Variants in KIRREL3 observed in about 807,000 individuals in gnomAD.
KIRREL3 encodes kirre like nephrin family adhesion molecule 3.
KIRREL3 carries 36 observed loss-of-function variants against 89.7 expected under a neutral mutation model. The ratio of observed to expected loss-of-function variants is 0.40; its 90% CI spans 0.31 to 0.53. The LOEUF is 0.53. Ranked by LOEUF, KIRREL3 falls within the 20% of genes least tolerant of loss-of-function variation. The pLI is 0.49. For synonymous variants in KIRREL3, 445 were observed against 441.4 expected (o/e 1.01, Z -0.10); for missense variants, 864 against 1,056.6 (o/e 0.82, Z 2.53).
chr11:126,467,720 T>G (rs1398066326), intron 5 of KIRREL3, among the ~76,000 whole-genome samples: 1 of 151,868 alleles, frequency 6.6e-6, no homozygotes, highest in East Asian at 1.9e-4. Flanking sequence ...CTGGCTTGAA[T>G]AAGGGTGTGT....
chr11:126,659,456 A>G (rs893163193), intron 1 of KIRREL3, among the ~76,000 whole-genome samples: 1 of 152,222 alleles, frequency 6.6e-6, no homozygotes, highest in Non-Finnish European at 1.5e-5. Context: ...TTCTGAATAG[A>G]GTCAGGCTGG....
Position 126,987,422 on chromosome 11 carries a change from G to T in KIRREL3, c.55+13033C>A, listed in dbSNP as rs1484885621. Among the ~76,000 whole-genome samples, 1 of 152,194 alleles carries T rather than the reference G, an allele frequency of 6.6e-6. No individual in the cohort carries two copies. The highest frequency in any genetic ancestry group is 1.5e-5 in the Non-Finnish European group (1 of 68,028). On this transcript the variant is annotated intron_variant, in intron 1 of 16. Transcript: ENST00000525144. This position sits in a 1 kb window ranked among gnomAD's most constrained non-coding sequence, Gnocchi z 4.6. ...CTGTTGATAATAAGAGTGAAAGGTA[G>T]ATTTCCTGTTATTTTCACAGACAAA...
intron 4 of KIRREL3, among the ~76,000 whole-genome samples, chr11:126,518,918 G>A (rs1020715715): frequency 3.1e-4 from 47 of 152,238 alleles, no homozygotes; most frequent in African/African-American, 1.1e-3. Context: ...GCAGAGTGCT[G>A]GGAAGCACTG....
intron 1 of KIRREL3, among the ~76,000 whole-genome samples, chr11:126,833,908 CT>C (rs1406654725): frequency 1.3e-5 from 2 of 152,224 alleles, no homozygotes; most frequent in African/African-American, 4.8e-5. Context: ...CTTCCTAAAG[CT>C]TTATTCCCTT....
intron 1 of KIRREL3, among the ~76,000 whole-genome samples, chr11:126,600,617 C>CAAAT (rs1942609907): frequency 6.6e-6 from 1 of 152,170 alleles, no homozygotes. Context: ...ATGGGTGGTG[C>CAAAT]AAATCCCTTT....
At position 126,578,963 on chromosome 11, in the gene KIRREL3, T is replaced by G. The variant is rs1214040079; in HGVS notation, c.56-16051A>C. Among the ~76,000 whole-genome samples the G allele has an allele frequency of 1.3e-5, 2 of 152,122 alleles. No individual in the cohort carries two copies. Among genetic ancestry groups the G allele is most frequent in the African/African-American group, 4.8e-5 (2 of 41,406 alleles). On this transcript the variant is annotated intron_variant, in intron 1 of 16. Transcript: ENST00000525144. The surrounding 1 kb of genome is among the most constrained non-coding windows in gnomAD (Gnocchi z 4.9). ...GATGGGACTTTGTCTCCATGTGACT[T>G]ATGAAGACACTGAGGACCAGCAAGG... is the stretch of plus-strand genomic sequence containing the variant.
At chr11:126,775,079 C>T (rs991266292) in intron 1 of KIRREL3, among the ~76,000 whole-genome samples, 9 of 152,088 alleles carry the variant, frequency 5.9e-5, no homozygotes, top group African/African-American at 9.7e-5. Flanking sequence ...TTAGTTTTCC[C>T]GAGCAGCTGG....
At chr11:126,572,244 T>C (rs1434423580) in intron 1 of KIRREL3, among the ~76,000 whole-genome samples, 2 of 152,228 alleles carry the variant, frequency 1.3e-5, no homozygotes, top group African/African-American at 4.8e-5. Context: ...AAGTATTCCC[T>C]TCCCCAGCCC....
At position 126,440,515 on chromosome 11, in the gene KIRREL3, G is replaced by C; in HGVS notation, c.1287C>G (p.His429Gln). The C allele has an allele frequency of 1.2e-6, 2 of 1,602,288 alleles. No homozygotes were observed. The highest frequency in any genetic ancestry group is 1.7e-6 in the Non-Finnish European group (2 of 1,174,946). Reference protein sequence around the residue: ...PPIISSTQTQHALHGEKGQIK... With the variant: ...PPIISSTQTQQALHGEKGQIK... ...TCTGGCCCTTCTCGCCGTGGAGGGC[G>C]TGCTGGGTCTGGGTGCTGGAGATGA... The change falls in exon 11 of 17, where the codon CAC (histidine) becomes CAG (glutamine). Residue 429 changes from histidine (H) to glutamine (Q), a missense_variant. By Grantham distance (24) the His-to-Gln change is conservative (BLOSUM62 0). Transcript: ENST00000525144.
chr11:126,818,221 G>C (rs575639028), intron 1 of KIRREL3, among the ~76,000 whole-genome samples: 1 of 152,332 alleles, frequency 6.6e-6, no homozygotes, highest in South Asian at 2.1e-4. Flanking sequence ...CACAGCTGGG[G>C]AAAGGAAAGG....
intron 1 of KIRREL3, among the ~76,000 whole-genome samples, chr11:126,881,143 C>T (rs1444404055): frequency 1.3e-5 from 2 of 152,196 alleles, no homozygotes; most frequent in African/African-American, 4.8e-5. Context: ...TTGCTCCCCT[C>T]CACCAATCAC....
At position 126,522,959 on chromosome 11, in the gene KIRREL3, A is replaced by T. The variant is rs1455552755; in HGVS notation, c.284-1495T>A. The stretch of plus-strand genomic sequence containing the variant: ...ACACATTCAGCCTTTTAAAGAGAAG[A>T]TGAGGGCTTAAGCAAGTGAGAGAGA... On this transcript the variant is annotated intron_variant, in intron 3 of 16. Coordinates refer to ENST00000525144, the MANE Select transcript of KIRREL3 (RefSeq NM_032531.4). This position sits in a 1 kb window ranked among gnomAD's most constrained non-coding sequence, Gnocchi z 6.0. Among the ~76,000 whole-genome samples, 1 of 152,206 alleles carries T rather than the reference A, an allele frequency of 6.6e-6. No individual in the cohort carries two copies. Among genetic ancestry groups the T allele is most frequent in the African/African-American group, 2.4e-5 (1 of 41,456 alleles).
In KIRREL3 at chr11:126,495,939, T is replaced by C. The variant is rs1957644171; in HGVS notation, c.434-22473A>G. The stretch of plus-strand genomic sequence containing the variant: ...TGCTGTGGGCTCCACCTTTGAAACA[T>C]GCACAGATCATCCTTTCTCAGTATC... On this transcript the variant is annotated intron_variant, in intron 4 of 16. Coordinates refer to ENST00000525144, the MANE Select transcript of KIRREL3 (RefSeq NM_032531.4). This position sits in a 1 kb window ranked among gnomAD's most constrained non-coding sequence, Gnocchi z 6.5. Among the ~76,000 whole-genome samples, 1 of 152,338 alleles carries C rather than the reference T, an allele frequency of 6.6e-6. No homozygotes were observed. Among genetic ancestry groups the C allele is most frequent in the South Asian group, 2.1e-4 (1 of 4,830 alleles).
intron 1 of KIRREL3, among the ~76,000 whole-genome samples, chr11:126,862,932 G>A (rs1944750951): frequency 6.6e-6 from 1 of 152,222 alleles, no homozygotes; most frequent in Non-Finnish European, 1.5e-5. Context: ...TGACCACAGA[G>A]AGCCCAAGCA....
rs1162450295 is a variant in KIRREL3 at position 126,558,610 on chromosome 11, T to C, written c.133+4225A>G. On this transcript the variant is annotated intron_variant, in intron 2 of 16. Coordinates refer to ENST00000525144, the MANE Select transcript of KIRREL3 (RefSeq NM_032531.4). This position sits in a 1 kb window ranked among gnomAD's most constrained non-coding sequence, Gnocchi z 4.0. ...TTGGGTTGCACTGTAATCTCTAGAGTTGTTGACAGGTCTAACATAGAGGAG... is the reference window on the plus strand; with the variant it reads ...TTGGGTTGCACTGTAATCTCTAGAGCTGTTGACAGGTCTAACATAGAGGAG... Among the ~76,000 whole-genome samples the C allele has an allele frequency of 1.3e-5, 2 of 152,048 alleles. No individual in the cohort carries two copies. Among genetic ancestry groups the C allele is most frequent in the Non-Finnish European group, 2.9e-5 (2 of 68,002 alleles).
Position 126,575,817 on chromosome 11 carries a change from C to A in KIRREL3, c.56-12905G>T, listed in dbSNP as rs1183883216. ...TCACATTTCATTCATAGTTCAAGAG[C>A]CCCCAAGAATCTCCTCTGTGTGTGG... is the stretch of plus-strand genomic sequence containing the variant. On this transcript the variant is annotated intron_variant, in intron 1 of 16. Transcript: ENST00000525144. This position sits in a 1 kb window ranked among gnomAD's most constrained non-coding sequence, Gnocchi z 7.0. 2.6e-5 allele frequency among the ~76,000 whole-genome samples: 4 copies of A among 152,112 alleles called. No homozygotes were observed. The highest frequency in any genetic ancestry group is 1.3e-4 in the Admixed American group (2 of 15,282).
intron 1 of KIRREL3, among the ~76,000 whole-genome samples, chr11:126,831,793 A>C (rs914573271): frequency 3.3e-5 from 5 of 152,156 alleles, no homozygotes; most frequent in African/African-American, 1.2e-4. Context: ...CGAAGTTGTA[A>C]ATTTAGAGAA....
In KIRREL3 at chr11:126,641,363, G is replaced by T. The variant is rs1944461612; in HGVS notation, c.56-78451C>A. Among the ~76,000 whole-genome samples the T allele has an allele frequency of 6.6e-6, 1 of 151,668 alleles. No individual in the cohort carries two copies. The highest frequency in any genetic ancestry group is 6.6e-5 in the Admixed American group (1 of 15,218). The stretch of plus-strand genomic sequence containing the variant: ...TAGCAGGGTCTCTACTCCAGGCCTT[G>T]TCTCTGAAGAGCCTCTTGGTGGTCA... On this transcript the variant is annotated intron_variant, in intron 1 of 16. Coordinates refer to ENST00000525144, the MANE Select transcript of KIRREL3 (RefSeq NM_032531.4). This position sits in a 1 kb window ranked among gnomAD's most constrained non-coding sequence, Gnocchi z 5.0.
At chr11:126,962,262 G>A (rs376001632) in intron 1 of KIRREL3, among the ~76,000 whole-genome samples, 1 of 152,176 alleles carries the variant, frequency 6.6e-6, no homozygotes. Flanking sequence ...TATTGGAAAG[G>A]ATTCATCATT....
Sources: allele counts gnomAD v4.1 joint callset (sites outside exome capture counted in the v4.1 genomes callset), GRCh38; gene constraint gnomAD v4.1.1; non-coding constraint Gnocchi (gnomAD v3.1); transcripts MANE v1.5; gene names NCBI Gene and HGNC (gene_info 2026-07-23, HGNC 2026-07-21).